CYTH3: variants seen among roughly 807,000 people sequenced by gnomAD.
CYTH3 encodes cytohesin 3, also known as cytohesin-3.
A neutral mutation model predicts 55.1 loss-of-function variants in CYTH3; 23 were observed. That is an observed-to-expected ratio of 0.42 (90% CI 0.30 to 0.59). The LOEUF is 0.59. Among genes scored for constraint, CYTH3 ranks in the 20% least tolerant of loss-of-function variants. CYTH3 has a pLI of 0.20. For synonymous variants in CYTH3, 249 were observed against 194.9 expected (o/e 1.28, Z -2.31); for missense variants, 413 against 524.8 (o/e 0.79, Z 2.08).
At chr7:6,268,273 T>C (rs1780558383) in intron 1 of CYTH3, among the ~76,000 whole-genome samples, 1 of 152,174 alleles carries the variant, frequency 6.6e-6, no homozygotes, top group African/African-American at 2.4e-5. Flanking sequence ...GCTCAAGCGA[T>C]TCTCCTGCCT....
intron 1 of CYTH3, among the ~76,000 whole-genome samples, chr7:6,194,336 C>G (rs1194793277): frequency 6.6e-6 from 1 of 152,094 alleles, no homozygotes; most frequent in Non-Finnish European, 1.5e-5. Context: ...ATCCGTAGTC[C>G]CAGGTACTCA....
At chr7:6,181,601 C>T (rs1783503792) in intron 4 of CYTH3, among the ~76,000 whole-genome samples, 1 of 152,168 alleles carries the variant, frequency 6.6e-6, no homozygotes, top group Non-Finnish European at 1.5e-5. Flanking sequence ...GTGTATAAGT[C>T]TTTTCAATTT....
intron 1 of CYTH3, among the ~76,000 whole-genome samples, chr7:6,215,890 C>T (rs1173855250): frequency 5.3e-5 from 8 of 152,100 alleles, no homozygotes; most frequent in Non-Finnish European, 1.2e-4. Flanking sequence ...GAGGAAGTAG[C>T]AAAACATTCT....
chr7:6,231,220 G>A (rs1779384984), intron 1 of CYTH3, among the ~76,000 whole-genome samples: 1 of 152,242 alleles, frequency 6.6e-6, no homozygotes. Context: ...AGGGAACGCA[G>A]CACTTAACAC....
intron 1 of CYTH3, among the ~76,000 whole-genome samples, chr7:6,196,334 G>A (rs773529196): frequency 7.2e-5 from 11 of 151,942 alleles, no homozygotes; most frequent in Non-Finnish European, 1.6e-4. Flanking sequence ...AATTTCAACA[G>A]GCAGAAAACC....
chr7:6,187,194 T>C, intron 3 of CYTH3, 78 bp from the exon 4 acceptor site: 1 of 1,471,948 alleles, frequency 6.8e-7, no homozygotes. Context: ...CAGTGTACTT[T>C]CCCCCGCAAC....
At chr7:6,244,936 C>CCG (rs1431693453) in intron 1 of CYTH3, among the ~76,000 whole-genome samples, 3 of 148,282 alleles carry the variant, frequency 2.0e-5, no homozygotes, top group Middle Eastern at 3.4e-3. Flanking sequence ...CTACAGTCAC[C>CCG]CGCCACCACG....
At chr7:6,177,269 G>C (rs149071854) in intron 5 of CYTH3, among the ~76,000 whole-genome samples, 1 of 152,268 alleles carries the variant, frequency 6.6e-6, no homozygotes, top group African/African-American at 2.4e-5. Context: ...AGGAACTACT[G>C]GGCTTTTGTT....
chr7:6,176,989 T>G (rs958677742), intron 5 of CYTH3, among the ~76,000 whole-genome samples: 1 of 152,272 alleles, frequency 6.6e-6, no homozygotes, highest in Admixed American at 6.5e-5. Flanking sequence ...GGTTTTGTCC[T>G]TTATGTGAAA....
chr7:6,256,580 G>A (rs892908197), intron 1 of CYTH3, among the ~76,000 whole-genome samples: 7 of 152,224 alleles, frequency 4.6e-5, no homozygotes, highest in African/African-American at 1.4e-4. Flanking sequence ...GAAGCCCCCA[G>A]ACTCCTCTCC....
Position 6,197,194 on chromosome 7 carries a change from T to G in CYTH3, c.35-6663A>C, listed in dbSNP as rs1030279319. On this transcript the variant is annotated intron_variant, in intron 1 of 12. Transcript: ENST00000350796. ...ATCTTTTCCTACCCCCTTAAGGCCC[T>G]AAGGAGTTGAATAAGCACTAGCCGT... Among the ~76,000 whole-genome samples the G allele has an allele frequency of 1.1e-4, 16 of 152,182 alleles. 1 individual carries two copies. The highest frequency in any genetic ancestry group is 9.8e-4 in the Admixed American group (15 of 15,276).
chr7:6,254,543 G>A (rs1780053291), intron 1 of CYTH3, among the ~76,000 whole-genome samples: 2 of 152,236 alleles, frequency 1.3e-5, no homozygotes, highest in African/African-American at 2.4e-5. Context: ...CCGCCTCCCA[G>A]GCTCAAGCTA....
In CYTH3 at chr7:6,164,895, T is replaced by C. The variant is rs767755037; in HGVS notation, c.*49A>G. On this transcript the variant is annotated 3_prime_UTR_variant, in exon 13 of 13. Transcript: ENST00000350796. The stretch of plus-strand genomic sequence containing the variant: ...TTCCGCGGAGGGGCCGCCCGCGGTG[T>C]CTTTCTGCTGGGGTTGGGTCTTTTA... 6.2e-7 allele frequency: 1 copy of C among 1,609,890 alleles called. No homozygotes were observed. Among genetic ancestry groups the C allele is most frequent in the East Asian group, 2.2e-5 (1 of 44,850 alleles).
intron 1 of CYTH3, among the ~76,000 whole-genome samples, chr7:6,238,284 G>C (rs1432686388): frequency 2.0e-5 from 3 of 151,968 alleles, no homozygotes; most frequent in African/African-American, 7.3e-5. Context: ...ATAATCAAAA[G>C]AAACAACCTT....
At chr7:6,186,721 T>G (rs1000080550) in intron 4 of CYTH3, among the ~76,000 whole-genome samples, 1 of 152,124 alleles carries the variant, frequency 6.6e-6, no homozygotes, top group South Asian at 2.1e-4. Context: ...AGCGGGAAGA[T>G]GCGAATATGA....
chr7:6,171,189 G>A lies in CYTH3; in HGVS notation c.562+13C>T, dbSNP rs1460384911. The A allele has an allele frequency of 1.2e-6, 2 of 1,613,934 alleles. No individual in the cohort carries two copies. Among genetic ancestry groups the A allele is most frequent in the South Asian group, 2.2e-5 (2 of 91,084 alleles). On this transcript the variant is annotated intron_variant, in intron 7 of 12. Transcript: ENST00000350796. The surrounding 1 kb of genome is among the most constrained non-coding windows in gnomAD (Gnocchi z 6.7). ...TGCCTGGCAAGGGGCCAGGCTGTGG[G>A]CTCTGCACTGACCTGTGGACTGGAA...
At chr7:6,230,866 C>A (rs1479265071) in intron 1 of CYTH3, among the ~76,000 whole-genome samples, 1 of 152,146 alleles carries the variant, frequency 6.6e-6, no homozygotes, top group African/African-American at 2.4e-5. Context: ...TTATTTTCTT[C>A]TTTGTAATTT....
chr7:6,224,982 T>C lies in CYTH3; in HGVS notation c.35-34451A>G, dbSNP rs1225494302. ...ACTGCTTGATTCTATTTATGTTAAATATCAGAAAGGGCAAATCTATAGAGA... is the reference window on the plus strand; with the variant it reads ...ACTGCTTGATTCTATTTATGTTAAACATCAGAAAGGGCAAATCTATAGAGA... On this transcript the variant is annotated intron_variant, in intron 1 of 12. Coordinates refer to ENST00000350796, the MANE Select transcript of CYTH3 (RefSeq NM_004227.4). Among the ~76,000 whole-genome samples, 4 of 152,316 alleles carry C rather than the reference T, an allele frequency of 2.6e-5. No individual in the cohort carries two copies. In the East Asian group the frequency reaches 5.8e-4, roughly 22 times the overall value.
Position 6,171,799 on chromosome 7 carries a change from C to T in CYTH3, c.450-485G>A, listed in dbSNP as rs1390868942. 1 of 162,398 alleles carries T rather than the reference C, an allele frequency of 6.2e-6. No individual in the cohort carries two copies. Among genetic ancestry groups the T allele is most frequent in the Non-Finnish European group, 1.4e-5 (1 of 73,206 alleles). The allele number at this position is 162,398 out of a possible 1,614,324, so 10.1% of individuals were successfully genotyped here. The stretch of plus-strand genomic sequence containing the variant: ...CAGAAGCTGCTGCTGCCTTGCTGGG[C>T]AGACACATGCCTGCCTCAGAGACCA... On this transcript the variant is annotated intron_variant, in intron 6 of 12. Transcript: ENST00000350796. The surrounding 1 kb of genome is among the most constrained non-coding windows in gnomAD (Gnocchi z 6.7).
Sources: allele counts gnomAD v4.1 joint callset (sites outside exome capture counted in the v4.1 genomes callset), GRCh38; gene constraint gnomAD v4.1.1; non-coding constraint Gnocchi (gnomAD v3.1); transcripts MANE v1.5; gene names NCBI Gene and HGNC (gene_info 2026-07-23, HGNC 2026-07-21).